DAGLA: variants seen among roughly 807,000 people sequenced by gnomAD.
DAGLA encodes diacylglycerol lipase-alpha.
In DAGLA, 22 loss-of-function variants were observed where a neutral mutation model predicts 102.6. The ratio of observed to expected loss-of-function variants is 0.21; its 90% confidence interval spans 0.15 to 0.31. The LOEUF (loss-of-function observed/expected upper bound fraction) is 0.31, where lower values mean the gene tolerates loss of function less well. Among genes scored for constraint, DAGLA ranks in the 10% least tolerant of loss-of-function variants. DAGLA has a pLI of 1.00. For synonymous variants in DAGLA, 578 were observed against 628.9 expected, an observed-to-expected ratio of 0.92 and a Z score of 1.21; for missense variants, 927 against 1,446.6, an observed-to-expected ratio of 0.64 and a Z score of 5.83.
rs2064988435 is a variant in DAGLA at position 61,686,771 on chromosome 11, A to G, written c.-45+6267A>G. On this transcript the variant is annotated intron_variant, in intron 1 of 19. Coordinates refer to ENST00000257215, the MANE Select transcript of DAGLA (RefSeq NM_006133.3). The surrounding 1 kb of genome is among the most constrained non-coding windows in gnomAD (Gnocchi z 5.2). ...TGTCTCTCCTGGAGCCATTTAATTA[A>G]TTGATGATTGATGTTCCTGGACTTC... 1.3e-5 allele frequency among the ~76,000 whole-genome samples: 2 copies of G among 152,162 alleles called. No individual in the cohort carries two copies. Among genetic ancestry groups the G allele is most frequent in the South Asian group, 4.1e-4 (2 of 4,822 alleles).
intron 1 of DAGLA, among the ~76,000 whole-genome samples, chr11:61,688,169 G>A (rs2064999549): frequency 6.6e-6 from 1 of 152,050 alleles, no homozygotes; most frequent in African/African-American, 2.4e-5. Context: ...TAAAAAATTA[G>A]CCGGGCATGG....
At chr11:61,700,059 C>T (rs988448114) in intron 1 of DAGLA, among the ~76,000 whole-genome samples, 4 of 152,238 alleles carry the variant, frequency 2.6e-5, no homozygotes, top group East Asian at 1.9e-4. Context: ...GCCTCGCCCG[C>T]GCAGAGCATG....
chr11:61,710,310 T>C (rs1319266038), intron 1 of DAGLA, among the ~76,000 whole-genome samples: 2 of 114,214 alleles, frequency 1.8e-5, no homozygotes, highest in South Asian at 5.4e-4. Flanking sequence ...GAGCAGAGGG[T>C]GGGGCCAGTG....
rs552627053 is a variant in DAGLA at position 61,732,777 on chromosome 11, T to A, written c.974+1336T>A. 3.3e-5 allele frequency among the ~76,000 whole-genome samples: 5 copies of A among 151,774 alleles called. No homozygotes were observed. The South Asian group carries it at 1.0e-3, about 32-fold the overall frequency. On this transcript the variant is annotated intron_variant, in intron 9 of 19. Transcript: ENST00000257215. ...CCAGGGTGTTGGGAGGAGGCCAGAG[T>A]CCAGTGCCCCAGCCTGTCCATAACA...
intron 1 of DAGLA, among the ~76,000 whole-genome samples, chr11:61,685,266 T>C (rs1317430621): frequency 2.0e-5 from 3 of 152,060 alleles, no homozygotes; most frequent in Non-Finnish European, 4.4e-5. Context: ...TAATGCCTGG[T>C]GCGTAGAGAG....
At chr11:61,682,521 G>A (rs1472002605) in intron 1 of DAGLA, among the ~76,000 whole-genome samples, 2 of 152,158 alleles carry the variant, frequency 1.3e-5, no homozygotes, top group East Asian at 1.9e-4. Flanking sequence ...GCATGGCCCC[G>A]GCAGCTGTGA....
intron 1 of DAGLA, among the ~76,000 whole-genome samples, chr11:61,709,648 G>A (rs997921911): frequency 7.9e-5 from 12 of 152,090 alleles, no homozygotes; most frequent in African/African-American, 2.9e-4. Flanking sequence ...CAGAGGGAGG[G>A]GACGGGGCTG....
rs760779013 is a variant in DAGLA at position 61,728,170 on chromosome 11, C to T, written c.654C>T (p.Ile218=). Residue 218 remains isoleucine, a synonymous_variant, in exon 7 of 20, where the codon ATC becomes ATT. Transcript: ENST00000257215. ...KDSQSDAYSE[I]AYLFAEFFRD... ...CCTCGTAGGATGCCTACTCAGAAATCGCCTACCTCTTTGCGGAGTTCTTCC... is the reference window on the plus strand; with the variant it reads ...CCTCGTAGGATGCCTACTCAGAAATTGCCTACCTCTTTGCGGAGTTCTTCC... 63 of 1,614,126 alleles carry T rather than the reference C, an allele frequency of 3.9e-5. No individual in the cohort carries two copies. The highest frequency in any genetic ancestry group is 5.2e-5 in the Non-Finnish European group (61 of 1,179,982).
At chr11:61,687,188 C>G (rs1157759589) in intron 1 of DAGLA, among the ~76,000 whole-genome samples, 1 of 152,166 alleles carries the variant, frequency 6.6e-6, no homozygotes, top group Non-Finnish European at 1.5e-5. Flanking sequence ...ATCACCTGCT[C>G]AGGGACACTC....
intron 5 of DAGLA, among the ~76,000 whole-genome samples, chr11:61,725,390 T>A (rs2065316891): frequency 6.6e-6 from 1 of 152,122 alleles, no homozygotes; most frequent in Admixed American, 6.5e-5. Context: ...ACCATGTGGG[T>A]GAGGGGTAGA....
chr11:61,696,736 C>T (rs1484899970), intron 1 of DAGLA, among the ~76,000 whole-genome samples: 2 of 152,128 alleles, frequency 1.3e-5, no homozygotes, highest in African/African-American at 4.8e-5. Flanking sequence ...TTTGGGCCAT[C>T]CCAGCCTCCT....
intron 12 of DAGLA, among the ~76,000 whole-genome samples, 177 bp downstream of exon 12, chr11:61,735,993 C>G (rs1370528338): frequency 5.3e-5 from 8 of 152,202 alleles, no homozygotes; most frequent in Admixed American, 5.2e-4. Flanking sequence ...ACCCCACTGC[C>G]CTGCACAGCC....
intron 1 of DAGLA, among the ~76,000 whole-genome samples, chr11:61,717,604 A>T (rs1217447143): frequency 2.0e-5 from 3 of 152,228 alleles, no homozygotes; most frequent in Non-Finnish European, 4.4e-5. Flanking sequence ...GGCACGACTA[A>T]TAAGTCACAC....
chr11:61,744,081 T>A lies in DAGLA; in HGVS notation c.2721T>A (p.Ser907Arg), dbSNP rs1204678086. Residue 907 changes from serine to arginine, a missense_variant, in exon 20 of 20, where the codon AGT (serine) becomes AGA (arginine). Coordinates refer to ENST00000257215, the MANE Select transcript of DAGLA (RefSeq NM_006133.3). Reference sequence around the variant, plus strand: ...ATGGGCGCCTGGGGGACTCGCCCAGTCCTCAGGTGCTGGAATTCGCCGAGT... The same window carrying A: ...ATGGGCGCCTGGGGGACTCGCCCAGACCTCAGGTGCTGGAATTCGCCGAGT... ...LHNGRLGDSP[S>R]PQVLEFAEFI... 4.3e-6 allele frequency: 7 copies of A among 1,612,730 alleles called. No homozygotes were observed. The highest frequency in any genetic ancestry group is 5.9e-6 in the Non-Finnish European group (7 of 1,179,986).
At position 61,728,219 on chromosome 11, in the gene DAGLA, G is replaced by A. The variant is rs1240391683; in HGVS notation, c.703G>A (p.Asp235Asn). The A allele has an allele frequency of 1.2e-6, 2 of 1,613,936 alleles. No individual in the cohort carries two copies. The highest frequency in any genetic ancestry group is 1.7e-6 in the Non-Finnish European group (2 of 1,180,018). The change falls in exon 7 of 20, where the codon GAC becomes AAC. Residue 235 changes from aspartate to asparagine, a missense_variant. Physicochemically the swap from Asp to Asn is conservative, Grantham distance 23 (BLOSUM62 1). Transcript: ENST00000257215. ...FFRDLDIVPS[D>N]IIAGLVLLRQ... ...CCGGGACCTTGACATTGTGCCATCC[G>A]ACATCATTGCTGGCCTGGTGCTGCT...
intron 1 of DAGLA, among the ~76,000 whole-genome samples, chr11:61,717,193 C>T (rs1396374756): frequency 6.6e-6 from 1 of 152,170 alleles, no homozygotes; most frequent in Non-Finnish European, 1.5e-5. Flanking sequence ...TGAGACATTT[C>T]CTCCAGATGA....
At chr11:61,737,520 G>A (rs1263880149) in intron 14 of DAGLA, among the ~76,000 whole-genome samples, 167 bp from the exon 15 acceptor site, 1 of 152,136 alleles carries the variant, frequency 6.6e-6, no homozygotes, top group African/African-American at 2.4e-5. Context: ...CCTTACCAGT[G>A]GGAAAGACAG....
intron 1 of DAGLA, among the ~76,000 whole-genome samples, chr11:61,688,566 T>C (rs1273391720): frequency 6.6e-6 from 1 of 152,178 alleles, no homozygotes; most frequent in Non-Finnish European, 1.5e-5. Flanking sequence ...TCTGTTGTCC[T>C]GGCTGGATGA....
intron 3 of DAGLA, 89 bp downstream of exon 3, chr11:61,720,979 C>A: frequency 1.5e-6 from 2 of 1,290,784 alleles, no homozygotes; most frequent in Non-Finnish European, 2.2e-6. Flanking sequence ...ATGTTGCGAG[C>A]CAGGCCCTGT....
Sources: allele counts gnomAD v4.1 joint callset (sites outside exome capture counted in the v4.1 genomes callset), GRCh38; gene constraint gnomAD v4.1.1; non-coding constraint Gnocchi (gnomAD v3.1); transcripts MANE v1.5; gene names NCBI Gene and HGNC (gene_info 2026-07-23, HGNC 2026-07-21).